The following SEC16A variants were observed in gnomAD, a reference collection of about 807,000 sequenced individuals.
SEC16A encodes protein transport protein Sec16A.
In SEC16A, 110 loss-of-function variants were observed where a neutral mutation model predicts 221.9. The ratio of observed to expected loss-of-function variants is 0.50; its 90% confidence interval spans 0.42 to 0.58. The LOEUF is 0.58. Among genes scored for constraint, SEC16A ranks in the 20% least tolerant of loss-of-function variants. The pLI is 0.00. For synonymous variants in SEC16A, 1,393 were observed against 1,257.7 expected, an observed-to-expected ratio of 1.11 and a Z score of -2.28; for missense variants, 3,165 against 3,097.8, an observed-to-expected ratio of 1.02 and a Z score of -0.52.
chr9:136,447,227 C>T lies in SEC16A; in HGVS notation c.6697G>A (p.Asp2233Asn). The change falls in exon 27 of 32, where the codon GAT (aspartate) becomes AAT (asparagine). Residue 2233 changes from aspartate to asparagine, a missense_variant and splice_region_variant. Asp to Asn is a conservative substitution (Grantham distance 23, BLOSUM62 1). Around this residue, in one of 3 missense-constraint regions of SEC16A, gnomAD observed 1,088 missense variants for 1,089.6 expected, o/e 1.00. Coordinates refer to ENST00000684901, the MANE Select transcript of SEC16A (RefSeq NM_014866.2). This position sits in a 1 kb window ranked among gnomAD's most constrained non-coding sequence, Gnocchi z 5.5. ...IPSNLFVPTP[D>N]AEEPQLPDGT... Reference sequence around the variant, plus strand: ...AGGGGCTGGTGCTCGTGCTACCTACCTGGGGTTGGCACGAACAAGTTAGAA... The same window carrying T: ...AGGGGCTGGTGCTCGTGCTACCTACTTGGGGTTGGCACGAACAAGTTAGAA... The T allele has an allele frequency of 6.3e-7, 1 of 1,592,160 alleles. No homozygotes were observed. The highest frequency in any genetic ancestry group is 8.5e-7 in the Non-Finnish European group (1 of 1,170,498).
chr9:136,456,948 C>T (rs781282618), intron 18 of SEC16A, among the ~76,000 whole-genome samples: 19 of 152,152 alleles, frequency 1.2e-4, no homozygotes, highest in Middle Eastern at 6.8e-3. Context: ...CAGATGCATG[C>T]ATCACTTGAG....
rs771824920 is a variant in SEC16A at position 136,459,017 on chromosome 9, C to T, written c.5409+117G>A. The T allele has an allele frequency of 3.8e-5, 24 of 626,680 alleles. No individual in the cohort carries two copies. Among genetic ancestry groups the T allele is most frequent in the Non-Finnish European group, 5.9e-5 (22 of 372,978 alleles). The allele number at this position is 626,680 out of a possible 1,614,324, so 38.8% of individuals were successfully genotyped here. A position where few individuals can be genotyped will look rare whatever the true frequency, so the allele number is the denominator to read the frequency against. On this transcript the variant is annotated intron_variant, in intron 17 of 31. Transcript: ENST00000684901. This position sits in a 1 kb window ranked among gnomAD's most constrained non-coding sequence, Gnocchi z 6.1. ...CAAATGTCTTCTCAAGATCCTCCCC[C>T]AAAAAACTCACATCATTTTTTTCGA...
chr9:136,443,731 A>G, intron 31 of SEC16A, 92 bp downstream of exon 31: 1 of 826,862 alleles, frequency 1.2e-6, no homozygotes. Context: ...GAAAAAGAGG[A>G]TCTAGGGCAG....
intron 12 of SEC16A, 80 bp from the exon 13 acceptor site, chr9:136,461,354 C>T (rs577149428): frequency 6.0e-6 from 6 of 999,314 alleles, no homozygotes; most frequent in Middle Eastern, 4.0e-4. Flanking sequence ...CATGTGTCCT[C>T]ACGCAGCAGC....
At chr9:136,481,416 G>A (rs984944386) in intron 1 of SEC16A, among the ~76,000 whole-genome samples, 2 of 152,136 alleles carry the variant, frequency 1.3e-5, no homozygotes, top group Non-Finnish European at 2.9e-5. Context: ...GGGATTACAG[G>A]CATGAGCCAC....
chr9:136,483,542 C>T, upstream of SEC16A: 1 of 985,318 alleles, frequency 1.0e-6, no homozygotes, highest in Non-Finnish European at 1.2e-6. Flanking sequence ...CCTGCCCGGC[C>T]AGGCGCGCCG....
intron 22 of SEC16A, among the ~76,000 whole-genome samples, chr9:136,451,609 C>T (rs1331155150): frequency 6.6e-6 from 1 of 152,188 alleles, no homozygotes; most frequent in Non-Finnish European, 1.5e-5. Context: ...CCTGGCCTGA[C>T]TAGAGAAGAG....
Position 136,461,233 on chromosome 9 carries a change from G to A in SEC16A, c.4935C>T (p.His1645=), listed in dbSNP as rs761043752. The part of the protein sequence containing the change: ...ESAMKNGLWG[H]ALLLASKMDS... ...CCATCTTACTTGCAAGTAGCAGAGC[G>A]TGACCCCACAGGCCATTCTTCATTG... The change falls in exon 13 of 32, where the codon CAC becomes CAT. Residue 1645 remains histidine (H), a synonymous_variant. Coordinates refer to ENST00000684901, the MANE Select transcript of SEC16A (RefSeq NM_014866.2). 2.7e-5 allele frequency: 43 copies of A among 1,609,184 alleles called. No homozygotes were observed. The highest frequency in any genetic ancestry group is 6.7e-5 in the African/African-American group (5 of 74,852).
In SEC16A at chr9:136,462,962, A is replaced by C. The variant is rs1839701431; in HGVS notation, c.4818T>G (p.Gly1606=). The change falls in exon 12 of 32, where the codon GGT becomes GGG. Residue 1606 remains glycine (G), a synonymous_variant. Transcript: ENST00000684901. ...GEAQLSFLTG[G]PAAAASSLER... is the part of the protein sequence containing the mutation. ...CGAGCGAGCTGGCGGCAGCCGCCGGACCACCAGTGAGGAAAGAGAGCTGGG... is the reference window on the plus strand; with the variant it reads ...CGAGCGAGCTGGCGGCAGCCGCCGGCCCACCAGTGAGGAAAGAGAGCTGGG... The C allele has an allele frequency of 6.2e-7, 1 of 1,607,994 alleles. No individual in the cohort carries two copies. The highest frequency in any genetic ancestry group is 1.3e-5 in the African/African-American group (1 of 75,062).
At chr9:136,482,546 T>G (rs1210273827) in intron 1 of SEC16A, among the ~76,000 whole-genome samples, 1 of 152,268 alleles carries the variant, frequency 6.6e-6, no homozygotes, top group African/African-American at 2.4e-5. Flanking sequence ...GGTTCAAATG[T>G]AAATGTGTCT....
chr9:136,456,310 G>T, intron 18 of SEC16A, 144 bp from the exon 19 acceptor site: 1 of 624,280 alleles, frequency 1.6e-6, no homozygotes, highest in Non-Finnish European at 2.8e-6. Context: ...TATGTGCTTA[G>T]GTGACATACA....
chr9:136,466,479 G>A lies in SEC16A; in HGVS notation c.3930-17C>T, dbSNP rs527585677. 4.7e-5 allele frequency: 74 copies of A among 1,583,926 alleles called. No individual in the cohort carries two copies. The highest frequency in any genetic ancestry group is 8.7e-5 in the Admixed American group (5 of 57,328). The stretch of plus-strand genomic sequence containing the variant: ...TTCTCGGGCCTAGAGGAAGCCGGGG[G>A]ACAGAGGCAGAGGAATGGGAGTGCC... On this transcript the variant is annotated splice_polypyrimidine_tract_variant and intron_variant, in intron 6 of 31. Transcript: ENST00000684901. The surrounding 1 kb of genome is among the most constrained non-coding windows in gnomAD (Gnocchi z 5.5).
At position 136,474,946 on chromosome 9, in the gene SEC16A, G is replaced by A. The variant is rs761214857; in HGVS notation, c.2670C>T (p.Thr890=). Residue 890 remains threonine, a synonymous_variant, in exon 3 of 32, where the codon ACC becomes ACT. Transcript: ENST00000684901. ...GCAGAGACAAGCTAAGGACAGAGCT[G>A]GTTGGAATCCCAGACAAAGAAGTGT... The part of the protein sequence containing the change: ...GENTSLSGIP[T]SSVLSLSLPS... 1 of 1,613,792 alleles carries A rather than the reference G, an allele frequency of 6.2e-7. No individual in the cohort carries two copies. Among genetic ancestry groups the A allele is most frequent in the Admixed American group, 1.7e-5 (1 of 60,020 alleles).
Position 136,475,827 on chromosome 9 carries a change from G to T in SEC16A, c.1789C>A (p.Pro597Thr). The T allele has an allele frequency of 6.3e-7, 1 of 1,581,980 alleles. No homozygotes were observed. The highest frequency in any genetic ancestry group is 1.1e-5 in the South Asian group (1 of 87,384). ...GTCTGAAATATTCCTGTAGGTTTCG[G>T]GGGGCTCGGGGTTGAGGGCTGGGAC... ...SVSQPSTPSPPKPTGIFQTSA... is the reference protein window; with the variant it reads ...SVSQPSTPSPTKPTGIFQTSA... The change falls in exon 3 of 32, where the codon CCG (proline) becomes ACG (threonine). Residue 597 changes from proline (P) to threonine (T), a missense_variant. Physicochemically the swap from Pro to Thr is conservative, Grantham distance 38. Coordinates refer to ENST00000684901, the MANE Select transcript of SEC16A (RefSeq NM_014866.2). This position sits in a 1 kb window ranked among gnomAD's most constrained non-coding sequence, Gnocchi z 5.0.
Position 136,459,584 on chromosome 9 carries a change from G to A in SEC16A, c.5192-29C>T. The A allele has an allele frequency of 6.5e-7, 1 of 1,531,782 alleles. No individual in the cohort carries two copies. Among genetic ancestry groups the A allele is most frequent in the Non-Finnish European group, 8.9e-7 (1 of 1,126,104 alleles). The allele number at this position is 1,531,782 out of a possible 1,614,324, so 94.9% of individuals were successfully genotyped here. A position where few individuals can be genotyped will look rare whatever the true frequency, so the allele number is the denominator to read the frequency against. On this transcript the variant is annotated intron_variant, in intron 15 of 31. Transcript: ENST00000684901. The surrounding 1 kb of genome is among the most constrained non-coding windows in gnomAD (Gnocchi z 6.1). ...CGGAGAGACGACACGACACACGGCG[G>A]GGGCTCAGCGACCGGGAGCGCTTGC... is the stretch of plus-strand genomic sequence containing the variant.
At position 136,477,391 on chromosome 9, in the gene SEC16A, T is replaced by C; in HGVS notation, c.225A>G (p.Pro75=). 1 of 1,613,852 alleles carries C rather than the reference T, an allele frequency of 6.2e-7. No homozygotes were observed. Residue 75 remains proline, a synonymous_variant, in exon 3 of 32, where the codon CCA becomes CCG. Coordinates refer to ENST00000684901, the MANE Select transcript of SEC16A (RefSeq NM_014866.2). ...TPLGSSSKSS[P]PVLQGPAPAG... ...CGGGGGCTGGGCCTTGCAAGACAGGTGGACTGCTTTTGGACGAACTGCCCA... is the reference window on the plus strand; with the variant it reads ...CGGGGGCTGGGCCTTGCAAGACAGGCGGACTGCTTTTGGACGAACTGCCCA...
chr9:136,472,218 C>T, intron 3 of SEC16A, 107 bp from the exon 4 acceptor site: 1 of 1,313,364 alleles, frequency 7.6e-7, no homozygotes, highest in Non-Finnish European at 1.1e-6. Flanking sequence ...CATTAGATAC[C>T]TACCAAGAGC....
At chr9:136,448,721 CCA>C (rs1837379783) in intron 23 of SEC16A, 1 of 683,588 alleles carries the variant, frequency 1.5e-6, no homozygotes, top group Non-Finnish European at 2.7e-6. Context: ...GGGGGCAGAT[CCA>C]CAGAGACACC....
Position 136,476,594 on chromosome 9 carries a change from T to A in SEC16A, c.1022A>T (p.Asp341Val). ...GTGGTGCGTACGGTTTTCTGGGCTA[T>A]CTCCCCGGGCGAGGGGGTTCACAAG... is the stretch of plus-strand genomic sequence containing the variant. Reference protein sequence around the residue: ...SALVNPLARGDSPENRTHHPL... With the variant: ...SALVNPLARGVSPENRTHHPL... Residue 341 changes from aspartate (D) to valine (V), a missense_variant, in exon 3 of 32, where the codon GAT becomes GTT. Transcript: ENST00000684901. 6.2e-6 allele frequency: 10 copies of A among 1,602,138 alleles called. No homozygotes were observed. Among genetic ancestry groups the A allele is most frequent in the Non-Finnish European group, 8.5e-6 (10 of 1,172,166 alleles).
Sources: gnomAD v4.1 joint callset for allele counts (sites outside exome capture counted in the v4.1 genomes callset) on GRCh38, gnomAD v4.1.1 for gene constraint, gnomAD v4.1.1 regional missense constraint, Gnocchi (gnomAD v3.1) non-coding constraint, MANE v1.5 for transcripts, NCBI Gene and HGNC (gene_info 2026-07-23, HGNC 2026-07-21) for gene names.